Variants in HEG1 observed in about 807,000 individuals in gnomAD.
The protein encoded by HEG1 is protein HEG homolog 1.
Under a neutral mutation model 125.6 loss-of-function variants are expected in HEG1, and 56 were observed. That is an observed-to-expected ratio of 0.45 (90% confidence interval 0.36 to 0.56). HEG1 has a LOEUF of 0.56. Ranked by LOEUF, HEG1 falls within the 20% of genes least tolerant of loss-of-function variation. The probability of loss-of-function intolerance (pLI) is 0.00; values close to 1 mark genes in which losing one functional copy is unlikely to be tolerated. For missense variants in HEG1, 1,523 were observed against 1,670.0 expected (o/e 0.91, Z 1.53); for synonymous variants, 644 against 668.5 (o/e 0.96, Z 0.57).
At chr3:125,033,677 C>T (rs1053567896) in intron 1 of HEG1, among the ~76,000 whole-genome samples, 19 of 152,132 alleles carry the variant, frequency 1.2e-4, no homozygotes, top group African/African-American at 3.9e-4. Flanking sequence ...AAAGGGTAAA[C>T]TTTATGGCAT....
chr3:124,978,034 A>T lies in HEG1; in HGVS notation c.3734-88T>A, dbSNP rs554912907. 7 of 959,260 alleles carry T rather than the reference A, an allele frequency of 7.3e-6. No individual in the cohort carries two copies. In the East Asian group the frequency reaches 1.9e-4, roughly 26 times the overall value. 59.4% of individuals were successfully genotyped at this position (959,260 alleles called of 1,614,324 possible). On this transcript the variant is annotated intron_variant, in intron 14 of 16. Coordinates refer to ENST00000311127, the MANE Select transcript of HEG1 (RefSeq NM_020733.2). ...CAAGAATGGTCTCCCCTGACTCTAC[A>T]GTCACCACCCTGCCTTGAGGGGTGC...
At chr3:125,051,136 G>A (rs1347954224) in intron 1 of HEG1, among the ~76,000 whole-genome samples, 2 of 152,224 alleles carry the variant, frequency 1.3e-5, no homozygotes, top group Admixed American at 1.3e-4. Flanking sequence ...ATTGGCATAT[G>A]AGTAGGGCAT....
At position 125,013,640 on chromosome 3, in the gene HEG1, C is replaced by T. The variant is rs750649953; in HGVS notation, c.1939G>A (p.Val647Ile). ...TPTINMPNTS[V>I]VLDTDAEFVS... ...AACTCAGCATCAGTGTCCAGAACAA[C>T]CGAAGTGTTCGGCATATTAATGGTG... Residue 647 changes from valine (V) to isoleucine (I), a missense_variant, in exon 6 of 17, where the codon GTT becomes ATT. Transcript: ENST00000311127. 1.9e-6 allele frequency: 3 copies of T among 1,611,284 alleles called. No individual in the cohort carries two copies. The highest frequency in any genetic ancestry group is 2.5e-6 in the Non-Finnish European group (3 of 1,178,578).
At chr3:124,976,322 G>C (rs1936535916) in intron 15 of HEG1, among the ~76,000 whole-genome samples, 1 of 152,094 alleles carries the variant, frequency 6.6e-6, no homozygotes, top group South Asian at 2.1e-4. Flanking sequence ...GAGTAGCTGG[G>C]ATTACAGGCA....
chr3:125,016,500 TCCTGGTTTGAGAAGGTAGAAGTC>T (rs1203254675), intron 5 of HEG1, among the ~76,000 whole-genome samples: 1 of 152,174 alleles, frequency 6.6e-6, no homozygotes, highest in Non-Finnish European at 1.5e-5. Flanking sequence ...AAACTCAAGA[TCCTGGTTTGAGAAGGTAGAAGTC>T]CTGACCCCCA....
At chr3:124,983,873 T>G (rs1413552546) in intron 14 of HEG1, among the ~76,000 whole-genome samples, 1 of 152,130 alleles carries the variant, frequency 6.6e-6, no homozygotes, top group African/African-American at 2.4e-5. Context: ...AAGGGTTGGG[T>G]ACAGAACAAC....
intron 1 of HEG1, among the ~76,000 whole-genome samples, chr3:125,046,936 C>A (rs1489568370): frequency 6.6e-6 from 1 of 152,246 alleles, no homozygotes. Flanking sequence ...TTTGTGGTCA[C>A]ACCTGGCATA....
chr3:125,010,224 T>A (rs1451804392), intron 7 of HEG1, among the ~76,000 whole-genome samples: 1 of 152,156 alleles, frequency 6.6e-6, no homozygotes, highest in Non-Finnish European at 1.5e-5. Flanking sequence ...GGCAGGAGTG[T>A]TGGGAACAGA....
Position 125,013,847 on chromosome 3 carries a change from A to T in HEG1, c.1732T>A (p.Ser578Thr), listed in dbSNP as rs779178536. 11 of 1,613,818 alleles carry T rather than the reference A, an allele frequency of 6.8e-6. No homozygotes were observed. The African/African-American group carries it at 1.5e-4, about 22-fold the overall frequency. ...LLSITDNSSSSDIVESSTSYI... is the reference protein window; with the variant it reads ...LLSITDNSSSTDIVESSTSYI... ...GAAGTTGAGCTCTCCACAATGTCTG[A>T]GGATGAACTGTTATCTGTAATGGAC... is the stretch of plus-strand genomic sequence containing the variant. Residue 578 changes from serine (S) to threonine (T), a missense_variant, in exon 6 of 17, where the codon TCA (serine) becomes ACA (threonine). By Grantham distance (58) the Ser-to-Thr change is moderately conservative (BLOSUM62 1). Transcript: ENST00000311127.
rs1936577077 is a variant in HEG1 at position 124,978,019 on chromosome 3, C to A, written c.3734-73G>T. On this transcript the variant is annotated intron_variant, in intron 14 of 16. Transcript: ENST00000311127. ...GAATGAGTGAGTTCTCAAGAATGGT[C>A]TCCCCTGACTCTACAGTCACCACCC... 3 of 1,112,748 alleles carry A rather than the reference C, an allele frequency of 2.7e-6. No individual in the cohort carries two copies. In the South Asian group the frequency reaches 4.2e-5, roughly 16 times the overall value. 68.9% of individuals were successfully genotyped at this position (1,112,748 alleles called of 1,614,324 possible). A position where few individuals can be genotyped will look rare whatever the true frequency, so the allele number is the denominator to read the frequency against.
chr3:125,038,536 G>A (rs1290196905), intron 1 of HEG1, among the ~76,000 whole-genome samples: 1 of 152,240 alleles, frequency 6.6e-6, no homozygotes, highest in Non-Finnish European at 1.5e-5. Flanking sequence ...GTTTGACTGT[G>A]AACATCCAAG....
rs761244719 is a variant in HEG1, at chr3:124,972,461, TC to T, written c.3996+1269del. On this transcript the variant is annotated intron_variant, in intron 16 of 16. Coordinates refer to ENST00000311127, the MANE Select transcript of HEG1 (RefSeq NM_020733.2). ...CTTATTTATAACTTTTTGTTCTTCC[TC>T]TAGGTTCAAATTTTTCAAAAAGAGT... Among the ~76,000 whole-genome samples the T allele has an allele frequency of 1.4e-4, 21 of 152,202 alleles. 1 individual carries two copies. The highest frequency in any genetic ancestry group is 7.7e-4 in the East Asian group (4 of 5,208).
intron 1 of HEG1, among the ~76,000 whole-genome samples, chr3:125,050,302 C>T (rs566181912): frequency 6.6e-6 from 1 of 152,256 alleles, no homozygotes; most frequent in South Asian, 2.1e-4. Flanking sequence ...TGCCACCATG[C>T]CCAGCTAATT....
intron 16 of HEG1, chr3:124,972,183 C>T (rs1936460472): frequency 6.6e-6 from 1 of 152,172 alleles, no homozygotes; most frequent in South Asian, 2.1e-4. Flanking sequence ...ACCATGGAAA[C>T]ATGCAGTGAA....
intron 3 of HEG1, among the ~76,000 whole-genome samples, chr3:125,024,944 G>A (rs183331309): frequency 3.3e-5 from 5 of 152,314 alleles, no homozygotes; most frequent in African/African-American, 9.6e-5. Flanking sequence ...TGGTGTAAGC[G>A]CCAGGCTTTT....
chr3:124,970,560 G>C lies in HEG1; in HGVS notation c.*92C>G. 1.6e-6 allele frequency: 2 copies of C among 1,244,270 alleles called. No individual in the cohort carries two copies. 77.1% of individuals were successfully genotyped at this position (1,244,270 alleles called of 1,614,324 possible). The stretch of plus-strand genomic sequence containing the variant: ...CTGCTTGCCACTCAGCGTGGCTCCC[G>C]ACAAATCCTGGGCGCAGCCTCCTGG... On this transcript the variant is annotated 3_prime_UTR_variant, in exon 17 of 17. Transcript: ENST00000311127.
chr3:125,046,781 T>A (rs766410616), intron 1 of HEG1, among the ~76,000 whole-genome samples: 2 of 152,214 alleles, frequency 1.3e-5, no homozygotes, highest in Non-Finnish European at 2.9e-5. Context: ...GAGTTGCTCA[T>A]GTGGCTCACA....
In HEG1 at chr3:125,009,718, C is replaced by T; in HGVS notation, c.3180G>A (p.Gly1060=). The T allele has an allele frequency of 6.2e-7, 1 of 1,612,914 alleles. No individual in the cohort carries two copies. The highest frequency in any genetic ancestry group is 8.5e-7 in the Non-Finnish European group (1 of 1,179,214). The change falls in exon 8 of 17, where the codon GGG becomes GGA. Residue 1060 remains glycine, a synonymous_variant. Coordinates refer to ENST00000311127, the MANE Select transcript of HEG1 (RefSeq NM_020733.2). The part of the protein sequence containing the change: ...KCPVGYQLEK[G]ICNLVRTFVT... ...TAAGTCTCTTACCCAAATTGCATAT[C>T]CCTTTTTCCAACTGGTACCCAACCG...
chr3:125,055,459 A>G (rs1476832562), intron 1 of HEG1, 116 bp downstream of exon 1: 1 of 642,472 alleles, frequency 1.6e-6, no homozygotes, highest in East Asian at 5.0e-5. Flanking sequence ...CCGGGCGAGG[A>G]GCCCCCACCC....
Sources: gnomAD v4.1 joint callset for allele counts (sites outside exome capture counted in the v4.1 genomes callset) on GRCh38, gnomAD v4.1.1 for gene constraint, MANE v1.5 for transcripts, NCBI Gene and HGNC (gene_info 2026-07-23, HGNC 2026-07-21) for gene names.